The following DMD variants were observed in gnomAD, a reference collection of about 807,000 sequenced individuals.
DMD encodes mutant dystrophin.
A neutral mutation model predicts 330.1 loss-of-function variants in DMD; 63 were observed. The observed-to-expected ratio is 0.19, with a 90% CI of 0.16 to 0.24. The LOEUF is 0.24. Ranked by LOEUF, DMD falls within the 10% of genes least tolerant of loss-of-function variation. DMD has a pLI of 1.00. For synonymous variants in DMD, 1,223 were observed against 959.8 expected (o/e 1.27, Z -5.07); for missense variants, 3,344 against 2,684.1 (o/e 1.25, Z -5.43).
intron 76 of DMD, among the ~76,000 whole-genome samples, chrX:31,143,533 C>G (rs762114499): frequency 9.9e-5 from 11 of 111,608 alleles, no homozygotes; most frequent in African/African-American, 3.6e-4. Flanking sequence ...GAAAAAGTAC[C>G]CTTGAATTCA....
At chrX:33,163,612 A>C (rs79020171) in intron 1 of DMD, among the ~76,000 whole-genome samples, 6 of 16,990 alleles carry the variant, frequency 3.5e-4, no homozygotes, top group Non-Finnish European at 5.6e-4. Context: ...ATATATCTAT[A>C]TCTATCTCTA....
intron 47 of DMD, among the ~76,000 whole-genome samples, chrX:31,909,518 G>GAA (rs775462001): frequency 3.4e-4 from 19 of 56,050 alleles, no homozygotes; most frequent in East Asian, 1.5e-3. Context: ...AGAGAAATGT[G>GAA]AAAAAAAAAA....
chrX:31,634,819 C>T (rs947759733), intron 54 of DMD, among the ~76,000 whole-genome samples: 6 of 110,877 alleles, frequency 5.4e-5, no homozygotes, highest in African/African-American at 1.6e-4. Context: ...TTGCATTACC[C>T]GTTTCATTTG....
At chrX:32,371,501 A>C (rs936486187) in intron 34 of DMD, among the ~76,000 whole-genome samples, 2 of 110,921 alleles carry the variant, frequency 1.8e-5, no homozygotes, top group Admixed American at 1.9e-4. Context: ...TAGGGGTTTA[A>C]TGGAACTAAA....
At chrX:32,030,046 C>T (rs113120159) in intron 44 of DMD, among the ~76,000 whole-genome samples, 1,831 of 111,778 alleles carry the variant, frequency 0.016, 32 homozygotes, top group Admixed American at 0.082. Context: ...GAGGAGATGA[C>T]GGAGTTATGA....
intron 2 of DMD, among the ~76,000 whole-genome samples, chrX:32,944,898 A>G (rs1022010647): frequency 1.8e-5 from 2 of 110,977 alleles, no homozygotes; most frequent in Admixed American, 9.6e-5. Context: ...GAGACACCGC[A>G]CCCAGCCAGT....
At chrX:31,198,566 T>C (rs893714110) in intron 67 of DMD, among the ~76,000 whole-genome samples, 1 of 112,200 alleles carries the variant, frequency 8.9e-6, no homozygotes, top group Non-Finnish European at 1.9e-5. Context: ...TATGTGTCCA[T>C]AATAATTAAA....
chrX:31,977,873 T>C (rs1039404250), intron 44 of DMD, among the ~76,000 whole-genome samples: 5 of 110,443 alleles, frequency 4.5e-5, no homozygotes, highest in Admixed American at 2.9e-4. Flanking sequence ...CTGTATTTTA[T>C]TGAACAATAT....
At chrX:32,540,140 T>C in intron 17 of DMD, among the ~76,000 whole-genome samples, 1 of 111,710 alleles carries the variant, frequency 9.0e-6, no homozygotes, top group Non-Finnish European at 1.9e-5. Context: ...AGTAATCTCC[T>C]GGATAAATAC....
intron 18 of DMD, chrX:32,516,911 A>C (rs1004452042): frequency 7.1e-5 from 8 of 112,199 alleles, no homozygotes; most frequent in Admixed American, 6.6e-4. Context: ...TTATAAAGCT[A>C]ATAAGTAATT....
At chrX:31,689,155 A>C (rs987993163) in intron 52 of DMD, among the ~76,000 whole-genome samples, 9 of 111,552 alleles carry the variant, frequency 8.1e-5, no homozygotes, top group African/African-American at 2.9e-4. Context: ...AGGGTATTCA[A>C]TTAGGAAAAG....
intron 17 of DMD, among the ~76,000 whole-genome samples, chrX:32,523,258 G>T (rs1177016636): frequency 9.0e-6 from 1 of 111,221 alleles, no homozygotes; most frequent in Non-Finnish European, 1.9e-5. Flanking sequence ...AGGTCCCTCT[G>T]ACCTTCTCCT....
At chrX:31,951,163 A>G (rs935271814) in intron 45 of DMD, among the ~76,000 whole-genome samples, 22 of 74,159 alleles carry the variant, frequency 3.0e-4, no homozygotes, top group African/African-American at 4.8e-4. Context: ...ATATATGTAT[A>G]TATATATATA....
At position 31,875,481 on chromosome X, in the gene DMD, T is replaced by A. The variant is rs953879107; in HGVS notation, c.6913-108A>T. 14 of 642,464 alleles carry A rather than the reference T, an allele frequency of 2.2e-5. No individual in the cohort carries two copies. In the Admixed American group the frequency reaches 4.5e-4, roughly 21 times the overall value. 52.9% of individuals were successfully genotyped at this position (642,464 alleles called of 1,213,427 possible). A position where few individuals can be genotyped will look rare whatever the true frequency, so the allele number is the denominator to read the frequency against. Reference sequence around the variant, plus strand: ...TTTATCATGAAATATTACAGAATCTTACTGATTTGTGTTATTTTAGCAGCA... The same window carrying A: ...TTTATCATGAAATATTACAGAATCTAACTGATTTGTGTTATTTTAGCAGCA... On this transcript the variant is annotated intron_variant, in intron 47 of 78. Coordinates refer to ENST00000357033, the MANE Select transcript of DMD (RefSeq NM_004006.3).
intron 16 of DMD, among the ~76,000 whole-genome samples, chrX:32,562,098 T>C (rs1217818991): frequency 8.9e-6 from 1 of 112,225 alleles, no homozygotes; most frequent in African/African-American, 3.2e-5. Flanking sequence ...AGTATGTTTA[T>C]AAAAAATTAC....
chrX:32,026,725 G>A (rs1285043995), intron 44 of DMD, among the ~76,000 whole-genome samples: 1 of 111,990 alleles, frequency 8.9e-6, no homozygotes, highest in Non-Finnish European at 1.9e-5. Context: ...GTTAATGCCA[G>A]TAGCTATAAC....
intron 7 of DMD, among the ~76,000 whole-genome samples, chrX:32,779,838 T>G (rs2074540716): frequency 9.1e-6 from 1 of 109,974 alleles, no homozygotes; most frequent in Non-Finnish European, 1.9e-5. Context: ...CTGCACGTTA[T>G]GCACATGTAC....
chrX:32,522,989 C>T (rs976333724), intron 17 of DMD, among the ~76,000 whole-genome samples: 2 of 111,677 alleles, frequency 1.8e-5, no homozygotes, highest in Admixed American at 9.5e-5. Context: ...TTTAGACTAT[C>T]TCTAAGAAAG....
chrX:32,149,883 A>C (rs1334240178), intron 44 of DMD, among the ~76,000 whole-genome samples: 1 of 112,117 alleles, frequency 8.9e-6, no homozygotes, highest in African/African-American at 3.2e-5. Flanking sequence ...CCAAACACAT[A>C]TATGGCATAA....
Sources: allele counts gnomAD v4.1 joint callset (sites outside exome capture counted in the v4.1 genomes callset), GRCh38; gene constraint gnomAD v4.1.1; transcripts MANE v1.5; gene names NCBI Gene and HGNC (gene_info 2026-07-23, HGNC 2026-07-21).